PON1: variants seen among roughly 807,000 people sequenced by gnomAD.
The protein encoded by PON1 is paraoxonase 1, also known as serum paraoxonase/arylesterase 1.
PON1 carries 37 observed loss-of-function variants against 39.2 expected under a neutral mutation model. The ratio of observed to expected loss-of-function variants is 0.94; its 90% CI spans 0.73 to 1.24. The LOEUF is 1.24. Ranked by LOEUF, PON1 falls within the 50% of genes most tolerant of loss-of-function variation. PON1 has a pLI of 0.00. For missense variants in PON1, 397 were observed against 413.5 expected, an observed-to-expected ratio of 0.96 and a Z score of 0.35; for synonymous variants, 148 against 152.2, an observed-to-expected ratio of 0.97 and a Z score of 0.21.
chr7:95,307,863 G>C, intron 6 of PON1, 148 bp downstream of exon 6: 1 of 851,668 alleles, frequency 1.2e-6, no homozygotes. Flanking sequence ...TTCACCCCCT[G>C]AAAAATTAAG....
intron 8 of PON1, among the ~76,000 whole-genome samples, chr7:95,301,266 G>A (rs1375812924): frequency 1.3e-5 from 2 of 152,270 alleles, no homozygotes; most frequent in South Asian, 2.1e-4. Context: ...TTTGAGTACT[G>A]TAACTAAGGT....
chr7:95,298,153 A>G lies in PON1; in HGVS notation c.*791T>C, dbSNP rs999270315. On this transcript the variant is annotated 3_prime_UTR_variant, in exon 9 of 9. Coordinates refer to ENST00000222381, the MANE Select transcript of PON1 (RefSeq NM_000446.7). ...TTTGGGGACACTTTTAGCTTCGCCC[A>G]TGTCAATTATGGGATTCATTCTGTA... 6.6e-6 allele frequency: 1 copy of G among 152,290 alleles called. No homozygotes were observed. Among genetic ancestry groups the G allele is most frequent in the African/African-American group, 2.4e-5 (1 of 41,442 alleles). 9.4% of individuals were successfully genotyped at this position (152,290 alleles called of 1,614,324 possible).
At position 95,318,351 on chromosome 7, in the gene PON1, A is replaced by C. The variant is rs776852953; in HGVS notation, c.117T>G (p.Leu39=). ...NALREVQPVE[L]PNCNLVKGIE... is the part of the protein sequence containing the mutation. ...TTCCTTTAACTAAATTACAGTTAGG[A>C]AGTTCTACGGGTTGTACCTCTCGGA... Residue 39 remains leucine, a synonymous_variant, in exon 2 of 9, where the codon CTT becomes CTG. Transcript: ENST00000222381. 5.4e-5 allele frequency: 87 copies of C among 1,610,324 alleles called. No individual in the cohort carries two copies. The highest frequency in any genetic ancestry group is 7.3e-5 in the Non-Finnish European group (86 of 1,176,686).
At chr7:95,316,842 T>C (rs1807780119) in intron 2 of PON1, 53 bp from the exon 3 acceptor site, 1 of 1,420,622 alleles carries the variant, frequency 7.0e-7, no homozygotes, top group South Asian at 1.1e-5. Context: ...TTGCAGGATG[T>C]GGATCCATTT....
At chr7:95,313,564 T>G (rs1422968544) in intron 4 of PON1, among the ~76,000 whole-genome samples, 8 of 151,688 alleles carry the variant, frequency 5.3e-5, no homozygotes, top group Non-Finnish European at 1.5e-5. Context: ...TAAAACATAA[T>G]GGTGATGAAT....
In PON1 at chr7:95,324,386, C is replaced by A; in HGVS notation, c.74+16G>T. 6.2e-7 allele frequency: 1 copy of A among 1,613,836 alleles called. No individual in the cohort carries two copies. The highest frequency in any genetic ancestry group is 8.5e-7 in the Non-Finnish European group (1 of 1,179,708). ...AGGAGGACGAAGGCTGCAGCCCTCACCACAACCCAACTTACTGGTAAGAAG... is the reference window on the plus strand; with the variant it reads ...AGGAGGACGAAGGCTGCAGCCCTCAACACAACCCAACTTACTGGTAAGAAG... On this transcript the variant is annotated intron_variant, in intron 1 of 8. Coordinates refer to ENST00000222381, the MANE Select transcript of PON1 (RefSeq NM_000446.7).
At position 95,318,324 on chromosome 7, in the gene PON1, G is replaced by A. The variant is rs373190914; in HGVS notation, c.144C>T (p.Ile48=). The A allele has an allele frequency of 1.2e-5, 19 of 1,602,086 alleles. No individual in the cohort carries two copies. Among genetic ancestry groups the A allele is most frequent in the African/African-American group, 2.7e-5 (2 of 74,592 alleles). ...CCCTTCTTCCTCTCACATACATACC[G>A]ATTCCTTTAACTAAATTACAGTTAG... ...ELPNCNLVKG[I]ETGSEDLEIL... The change falls in exon 2 of 9, where the codon ATC becomes ATT. Residue 48 remains isoleucine, a splice_region_variant and synonymous_variant. Coordinates refer to ENST00000222381, the MANE Select transcript of PON1 (RefSeq NM_000446.7).
intron 8 of PON1, among the ~76,000 whole-genome samples, chr7:95,300,548 C>G (rs1276091977): frequency 6.6e-6 from 1 of 152,120 alleles, no homozygotes; most frequent in Non-Finnish European, 1.5e-5. Flanking sequence ...GTAGTAGTTA[C>G]AGGGAAATAG....
At chr7:95,299,311 GTATC>G (rs917776459) in intron 8 of PON1, among the ~76,000 whole-genome samples, 2 of 152,174 alleles carry the variant, frequency 1.3e-5, no homozygotes, top group Non-Finnish European at 2.9e-5. Context: ...GAGGTGGAGA[GTATC>G]TAGACCTACA....
intron 6 of PON1, among the ~76,000 whole-genome samples, 189 bp from the exon 7 acceptor site, chr7:95,306,555 A>G (rs1380005837): frequency 6.6e-6 from 1 of 152,176 alleles, no homozygotes; most frequent in African/African-American, 2.4e-5. Context: ...AATCTCTGAA[A>G]AGTTGTTTCT....
chr7:95,304,327 C>A (rs1282566691), intron 7 of PON1, among the ~76,000 whole-genome samples: 2 of 109,514 alleles, frequency 1.8e-5, no homozygotes, highest in African/African-American at 8.1e-5. Flanking sequence ...AACTTCATTC[C>A]TTTTTTTTTT....
At chr7:95,306,489 C>A (rs1807544309) in intron 6 of PON1, 123 bp from the exon 7 acceptor site, 4 of 741,158 alleles carry the variant, frequency 5.4e-6, no homozygotes, top group Non-Finnish European at 9.6e-6. Context: ...TGGAACCCAC[C>A]TCAAACACAC....
rs1807304951 is a variant in PON1, at chr7:95,297,869, A to AT, written c.*1074_*1075insA. 2 of 152,178 alleles carry AT rather than the reference A, an allele frequency of 1.3e-5. No homozygotes were observed. Among genetic ancestry groups the AT allele is most frequent in the Admixed American group, 1.3e-4 (2 of 15,280 alleles). The allele number at this position is 152,178 out of a possible 1,614,324, so 9.4% of individuals were successfully genotyped here. ...CACCCTGAAGAAGTAATTCATCATG[A>AT]AGGTTATACCTTCAAATCAGAAAAA... On this transcript the variant is annotated 3_prime_UTR_variant, in exon 9 of 9. Coordinates refer to ENST00000222381, the MANE Select transcript of PON1 (RefSeq NM_000446.7).
intron 1 of PON1, among the ~76,000 whole-genome samples, chr7:95,322,326 ATGTATG>A (rs1261967637): frequency 4.9e-4 from 37 of 75,252 alleles, no homozygotes; most frequent in East Asian, 1.0e-3. Context: ...ATATAAATAT[ATGTATG>A]TGTGTGTGTG....
At chr7:95,320,390 G>C (rs907467273) in intron 1 of PON1, among the ~76,000 whole-genome samples, 1 of 152,190 alleles carries the variant, frequency 6.6e-6, no homozygotes, top group African/African-American at 2.4e-5. Context: ...GGGTGGGCAA[G>C]GGGGCATTAA....
chr7:95,309,894 A>G (rs1563597233), intron 5 of PON1, among the ~76,000 whole-genome samples: 1 of 152,334 alleles, frequency 6.6e-6, no homozygotes, highest in East Asian at 1.9e-4. Flanking sequence ...CACACAGCTA[A>G]TCCTTGGATT....
At chr7:95,303,448 A>T (rs1158872104) in intron 7 of PON1, among the ~76,000 whole-genome samples, 1 of 152,204 alleles carries the variant, frequency 6.6e-6, no homozygotes, top group African/African-American at 2.4e-5. Context: ...TGTTTGTTTC[A>T]GGGCTTTGCT....
intron 1 of PON1, among the ~76,000 whole-genome samples, chr7:95,321,815 T>C (rs1234284181): frequency 6.6e-6 from 1 of 152,204 alleles, no homozygotes; most frequent in Non-Finnish European, 1.5e-5. Context: ...TTCTCCAGTC[T>C]TCTGCATTGG....
intron 1 of PON1, among the ~76,000 whole-genome samples, chr7:95,318,814 T>G (rs867117095): frequency 2.6e-5 from 4 of 152,210 alleles, no homozygotes; most frequent in Non-Finnish European, 5.9e-5. Context: ...CAGCCTGGAC[T>G]GGGCATCTGC....
Sources: allele counts gnomAD v4.1 joint callset (sites outside exome capture counted in the v4.1 genomes callset), GRCh38; gene constraint gnomAD v4.1.1; transcripts MANE v1.5; gene names NCBI Gene and HGNC (gene_info 2026-07-23, HGNC 2026-07-21).